Variants in MBD2 observed in about 807,000 individuals in gnomAD.
MBD2 encodes methyl-CpG-binding domain protein 2.
A neutral mutation model predicts 39.3 loss-of-function variants in MBD2; 9 were observed. The ratio of observed to expected loss-of-function variants is 0.23; its 90% confidence interval spans 0.14 to 0.40. MBD2 has a LOEUF of 0.40. Among genes scored for constraint, MBD2 ranks in the 10% least tolerant of loss-of-function variants. The probability of loss-of-function intolerance (pLI) is 1.00; values close to 1 mark genes in which losing one functional copy is unlikely to be tolerated. For missense variants in MBD2, 458 were observed against 532.6 expected (o/e 0.86, Z 1.38); for synonymous variants, 233 against 211.1 (o/e 1.10, Z -0.90).
rs779003759 is a variant in MBD2 at position 54,223,978 on chromosome 18, G to T, written c.542+40C>A. ...GGCCCGCTCTTGACCCCTGACCCCGGCCTGACCCCGCCACCCCCTCCCCGC... is the reference window on the plus strand; with the variant it reads ...GGCCCGCTCTTGACCCCTGACCCCGTCCTGACCCCGCCACCCCCTCCCCGC... On this transcript the variant is annotated intron_variant, in intron 1 of 6. Transcript: ENST00000256429. 7.0e-6 allele frequency: 10 copies of T among 1,420,512 alleles called. No individual in the cohort carries two copies. The East Asian group carries it at 2.0e-4, about 28-fold the overall frequency. The allele number at this position is 1,420,512 out of a possible 1,614,324, so 88.0% of individuals were successfully genotyped here.
chr18:54,210,207 A>C (rs1466593264), intron 1 of MBD2, among the ~76,000 whole-genome samples: 1 of 152,206 alleles, frequency 6.6e-6, no homozygotes, highest in Non-Finnish European at 1.5e-5. Context: ...AAAGCCCTGA[A>C]GAAACATACT....
intron 2 of MBD2, among the ~76,000 whole-genome samples, chr18:54,192,611 G>T (rs990690157): frequency 3.9e-5 from 6 of 152,294 alleles, no homozygotes; most frequent in Middle Eastern, 3.4e-3. Flanking sequence ...TAGACACACA[G>T]AAGTATTTGC....
intron 3 of MBD2, among the ~76,000 whole-genome samples, chr18:54,172,329 T>C (rs569196408): frequency 1.3e-5 from 2 of 152,264 alleles, no homozygotes; most frequent in South Asian, 4.1e-4. Context: ...ATCAATCACA[T>C]AGAACATGAA....
chr18:54,179,774 T>C (rs2086236732), intron 3 of MBD2, among the ~76,000 whole-genome samples: 1 of 152,304 alleles, frequency 6.6e-6, no homozygotes, highest in Admixed American at 6.5e-5. Context: ...AGAGCAAGTA[T>C]CACATTTAAT....
At chr18:54,158,048 TA>T (rs2144273884) in intron 6 of MBD2, among the ~76,000 whole-genome samples, 1 of 152,332 alleles carries the variant, frequency 6.6e-6, no homozygotes, top group South Asian at 2.1e-4. Flanking sequence ...GCAGCAGCCA[TA>T]GGGCTCTTGT....
At chr18:54,180,891 T>TTTTTTC (rs1445249500) in intron 3 of MBD2, among the ~76,000 whole-genome samples, 13 of 115,290 alleles carry the variant, frequency 1.1e-4, no homozygotes, top group African/African-American at 4.4e-4. Flanking sequence ...TATTCCTTAA[T>TTTTTTC]TTTTTCTTTT....
intron 1 of MBD2, among the ~76,000 whole-genome samples, chr18:54,219,498 A>G (rs1332301941): frequency 6.6e-6 from 1 of 152,234 alleles, no homozygotes; most frequent in Non-Finnish European, 1.5e-5. Flanking sequence ...AGAGTTATAC[A>G]AGGGACACCA....
chr18:54,167,679 G>A (rs1051424244), intron 3 of MBD2, among the ~76,000 whole-genome samples: 1 of 152,168 alleles, frequency 6.6e-6, no homozygotes, highest in African/African-American at 2.4e-5. Context: ...TTTGTAATAA[G>A]CACAACGCTA....
chr18:54,203,025 G>T, intron 2 of MBD2: 3 of 1,218,014 alleles, frequency 2.5e-6, no homozygotes, highest in Non-Finnish European at 3.7e-6. Context: ...CACATTCCAA[G>T]CAGAGCAAAC....
chr18:54,194,468 TTTA>T (rs199724646), intron 2 of MBD2, among the ~76,000 whole-genome samples: 5,245 of 152,088 alleles, frequency 0.034, 127 homozygotes, highest in Non-Finnish European at 0.046. Context: ...TTTCTTCTGG[TTTA>T]TTATAATTAT....
In MBD2 at chr18:54,165,096, A is replaced by G. The variant is rs59111895; in HGVS notation, c.932-396T>C. The stretch of plus-strand genomic sequence containing the variant: ...AGGTAAGACTTTGTGAAGCGACTAT[A>G]CTCAAGTATCCCTTTTAATGTATTC... On this transcript the variant is annotated intron_variant, in intron 4 of 6. Transcript: ENST00000256429. 1.8e-3 allele frequency among the ~76,000 whole-genome samples: 272 copies of G among 152,286 alleles called. 5 individuals carry two copies. The East Asian group carries it at 0.037, about 21-fold the overall frequency.
chr18:54,199,765 G>A (rs919219401), intron 2 of MBD2, among the ~76,000 whole-genome samples: 2 of 151,948 alleles, frequency 1.3e-5, no homozygotes, highest in African/African-American at 2.4e-5. Flanking sequence ...AATTCATTCA[G>A]GCCATCTTTA....
At chr18:54,171,550 C>A (rs2086179768) in intron 3 of MBD2, among the ~76,000 whole-genome samples, 1 of 152,020 alleles carries the variant, frequency 6.6e-6, no homozygotes, top group African/African-American at 2.4e-5. Context: ...TATTTCATTG[C>A]AGGAGGAGAT....
chr18:54,206,811 C>T (rs1245902860), intron 1 of MBD2, among the ~76,000 whole-genome samples: 2 of 152,200 alleles, frequency 1.3e-5, no homozygotes, highest in Non-Finnish European at 2.9e-5. Flanking sequence ...GGATTCTACA[C>T]AAGCAAAGCT....
chr18:54,203,685 C>T (rs2086426231), intron 2 of MBD2, among the ~76,000 whole-genome samples: 1 of 152,028 alleles, frequency 6.6e-6, no homozygotes, highest in African/African-American at 2.4e-5. Context: ...TGAGTGAAGC[C>T]AGGTATGAAG....
intron 2 of MBD2, among the ~76,000 whole-genome samples, chr18:54,204,790 G>A (rs1272413110): frequency 2.0e-5 from 3 of 152,122 alleles, no homozygotes; most frequent in African/African-American, 7.2e-5. Context: ...AAAGTATGAT[G>A]TTCACTGACC....
chr18:54,186,215 G>T (rs2144307802), intron 3 of MBD2, among the ~76,000 whole-genome samples: 1 of 152,092 alleles, frequency 6.6e-6, no homozygotes, highest in African/African-American at 2.4e-5. Flanking sequence ...CTTATTAAAA[G>T]AATGTGATAC....
intron 6 of MBD2, among the ~76,000 whole-genome samples, chr18:54,158,508 A>T (rs1426921801): frequency 6.6e-6 from 1 of 152,220 alleles, no homozygotes; most frequent in Non-Finnish European, 1.5e-5. Flanking sequence ...GAAGCCGGGA[A>T]GCAAGACGTC....
At chr18:54,190,883 T>C (rs927392454) in intron 2 of MBD2, among the ~76,000 whole-genome samples, 2 of 152,174 alleles carry the variant, frequency 1.3e-5, no homozygotes, top group Non-Finnish European at 2.9e-5. Context: ...AAATCTACGA[T>C]GTGTTCCAGT....
Sources: gnomAD v4.1 joint callset for allele counts (sites outside exome capture counted in the v4.1 genomes callset) on GRCh38, gnomAD v4.1.1 for gene constraint, MANE v1.5 for transcripts, NCBI Gene and HGNC (gene_info 2026-07-23, HGNC 2026-07-21) for gene names.